ATP6V1B1: variants seen among roughly 807,000 people sequenced by gnomAD.
ATP6V1B1 encodes the protein ATPase H+ transporting V1 subunit B1.
A neutral mutation model predicts 62.1 loss-of-function variants in ATP6V1B1; 41 were observed. The observed-to-expected ratio is 0.66, with a 90% CI of 0.51 to 0.86. The LOEUF (loss-of-function observed/expected upper bound fraction) is 0.86. Among genes scored for constraint, ATP6V1B1 ranks in the 40% least tolerant of loss-of-function variants. ATP6V1B1 has a pLI of 0.00. For synonymous variants in ATP6V1B1, 253 were observed against 273.4 expected (o/e 0.93, Z 0.74); for missense variants, 651 against 697.5 (o/e 0.93, Z 0.75).
At chr2:70,957,871 T>C in intron 2 of ATP6V1B1, 175 bp from the exon 3 acceptor site, 1 of 670,264 alleles carries the variant, frequency 1.5e-6, no homozygotes, top group Admixed American at 2.1e-5. Flanking sequence ...TGGGTGCAAC[T>C]GCCTCCCAAA....
intron 1 of ATP6V1B1, among the ~76,000 whole-genome samples, chr2:70,942,991 A>T (rs1553416631): frequency 6.6e-6 from 1 of 152,196 alleles, no homozygotes; most frequent in Non-Finnish European, 1.5e-5. Context: ...TTCCCTATGC[A>T]AGCTGAGCTC....
At position 70,964,446 on chromosome 2, in the gene ATP6V1B1, C is replaced by G; in HGVS notation, c.1152C>G (p.Pro384=). ...DRQLHNRQIY[P]PINVLPSLSR... ...TTTTTCTTCTCCCTCAGATCTACCC[C>G]CCCATCAACGTGCTCCCTTCCCTGT... Residue 384 remains proline (P), a synonymous_variant, in exon 12 of 14, where the codon CCC becomes CCG. Transcript: ENST00000234396. 1 of 1,614,084 alleles carries G rather than the reference C, an allele frequency of 6.2e-7. No homozygotes were observed. The highest frequency in any genetic ancestry group is 8.5e-7 in the Non-Finnish European group (1 of 1,180,018).
rs1553415265 is a variant in ATP6V1B1, at chr2:70,936,002, C to G, written c.48C>G (p.Ser16Arg). 2.5e-6 allele frequency: 4 copies of G among 1,614,058 alleles called. No homozygotes were observed. The highest frequency in any genetic ancestry group is 3.4e-6 in the Non-Finnish European group (4 of 1,179,970). ...GGCCTGGGGGGCTCCCCGGCAGTAG[C>G]TGCAACCTAGGTGCAGCCCGAGAAC... Reference protein sequence around the residue: ...DSRPGGLPGSSCNLGAAREHM... With the variant: ...DSRPGGLPGSRCNLGAAREHM... The change falls in exon 1 of 14, where the codon AGC becomes AGG. Residue 16 changes from serine to arginine, a missense_variant. Ser to Arg is a moderately radical substitution (Grantham distance 110, BLOSUM62 -1). Transcript: ENST00000234396.
At chr2:70,961,122 G>T (rs1680575773) in intron 7 of ATP6V1B1, 100 bp downstream of exon 7, 5 of 1,292,066 alleles carry the variant, frequency 3.9e-6, no homozygotes, top group Non-Finnish European at 5.5e-6. Flanking sequence ...GAAGCCATCA[G>T]TGTCCCGGCC....
intron 1 of ATP6V1B1, 52 bp from the exon 2 acceptor site, chr2:70,943,606 G>C: frequency 6.3e-7 from 1 of 1,576,258 alleles, no homozygotes; most frequent in Non-Finnish European, 8.7e-7. Context: ...CTCTGTGTGT[G>C]TGAGCAGGGT....
chr2:70,965,373 C>A lies in ATP6V1B1; in HGVS notation c.*252C>A, dbSNP rs1198004173. ...CGATGCCTTACTCTGACGGGAGCAT[C>A]TGTATTTTTATGTTAAAAGCCCACA... On this transcript the variant is annotated 3_prime_UTR_variant, in exon 14 of 14. Transcript: ENST00000234396. 1 of 580,682 alleles carries A rather than the reference C, an allele frequency of 1.7e-6. No homozygotes were observed. The highest frequency in any genetic ancestry group is 3.0e-5 in the Admixed American group (1 of 32,982). The allele number at this position is 580,682 out of a possible 1,614,324, so 36.0% of individuals were successfully genotyped here.
chr2:70,962,269 G>A (rs1553420220), intron 8 of ATP6V1B1, among the ~76,000 whole-genome samples: 2 of 152,180 alleles, frequency 1.3e-5, no homozygotes, highest in Admixed American at 1.3e-4. Flanking sequence ...ATAGGGACGA[G>A]CACATTAGGT....
rs572404291 is a variant in ATP6V1B1 at position 70,957,982 on chromosome 2, G to A, written c.175-64G>A. 3.3e-5 allele frequency: 49 copies of A among 1,464,920 alleles called. No homozygotes were observed. The East Asian group carries it at 3.8e-4, about 11-fold the overall frequency. 90.7% of individuals were successfully genotyped at this position (1,464,920 alleles called of 1,614,324 possible). Reference sequence around the variant, plus strand: ...GTTTGGGACTGGGTCAGGGAGGGCCGGAGGAGGAGAAGGGACTTTGCCTCC... The same window carrying A: ...GTTTGGGACTGGGTCAGGGAGGGCCAGAGGAGGAGAAGGGACTTTGCCTCC... On this transcript the variant is annotated intron_variant, in intron 2 of 13. Coordinates refer to ENST00000234396, the MANE Select transcript of ATP6V1B1 (RefSeq NM_001692.4).
intron 9 of ATP6V1B1, 73 bp downstream of exon 9, chr2:70,962,973 T>G (rs1252451225): frequency 2.6e-5 from 42 of 1,608,956 alleles, no homozygotes; most frequent in Non-Finnish European, 3.5e-5. Context: ...ACGGTCACCC[T>G]GCAAATAGAG....
At chr2:70,945,650 T>C (rs1680140667) in intron 2 of ATP6V1B1, among the ~76,000 whole-genome samples, 1 of 146,246 alleles carries the variant, frequency 6.8e-6, no homozygotes, top group African/African-American at 2.5e-5. Flanking sequence ...ATCTCCAGCA[T>C]CCTTTCTTTG....
rs1572922954 is a variant in ATP6V1B1, at chr2:70,963,161, G to C, written c.910-1G>C. 6.2e-7 allele frequency: 1 copy of C among 1,614,020 alleles called. No individual in the cohort carries two copies. The highest frequency in any genetic ancestry group is 1.3e-5 in the African/African-American group (1 of 74,998). ...TACCCCAGTGCCCATGGATATTGCA[G>C]GTCTCTGCTGCTAGAGAGGAGGTGC... On this transcript the variant is annotated splice_acceptor_variant, in intron 9 of 13. Transcript: ENST00000234396. LOFTEE classifies it high-confidence loss of function. This position sits in a 1 kb window ranked among gnomAD's most constrained non-coding sequence, Gnocchi z 4.3.
Position 70,940,446 on chromosome 2 carries a change from C to A in ATP6V1B1, c.119-3212C>A, listed in dbSNP as rs563629694. 5.4e-5 allele frequency: 53 copies of A among 985,384 alleles called. No homozygotes were observed. The Admixed American group carries it at 6.8e-4, about 13-fold the overall frequency. The allele number at this position is 985,384 out of a possible 1,614,324, so 61.0% of individuals were successfully genotyped here. On this transcript the variant is annotated intron_variant, in intron 1 of 13. Coordinates refer to ENST00000234396, the MANE Select transcript of ATP6V1B1 (RefSeq NM_001692.4). Reference sequence around the variant, plus strand: ...GTGGCATGCAAGATGCCAGCTCTCCCGGGGGCTTATAAAAATGAGGGTCTC... The same window carrying A: ...GTGGCATGCAAGATGCCAGCTCTCCAGGGGGCTTATAAAAATGAGGGTCTC...
Position 70,959,209 on chromosome 2 carries a change from G to T in ATP6V1B1, c.445+114G>T. ...TCAGATGTGATGGGAGAGCAGCAAA[G>T]GCCTCTCTATCCCCAAATCTTCCAC... On this transcript the variant is annotated intron_variant, in intron 5 of 13. Transcript: ENST00000234396. This position sits in a 1 kb window ranked among gnomAD's most constrained non-coding sequence, Gnocchi z 4.2. The T allele has an allele frequency of 1.7e-6, 2 of 1,148,824 alleles. No homozygotes were observed. The highest frequency in any genetic ancestry group is 2.6e-6 in the Non-Finnish European group (2 of 776,892). The allele number at this position is 1,148,824 out of a possible 1,614,324, so 71.2% of individuals were successfully genotyped here.
intron 2 of ATP6V1B1, chr2:70,947,384 G>A (rs1553417563): frequency 1.3e-5 from 2 of 152,222 alleles, no homozygotes; most frequent in East Asian, 1.9e-4. Flanking sequence ...CCTGGGGTAG[G>A]AGGCCCAAGA....
chr2:70,963,303 C>T lies in ATP6V1B1; in HGVS notation c.1051C>T (p.Pro351Ser), dbSNP rs782770411. The T allele has an allele frequency of 1.3e-5, 21 of 1,612,960 alleles. 1 individual carries two copies. The South Asian group carries it at 2.3e-4, about 18-fold the overall frequency. Reference protein sequence around the residue: ...SITQIPILTMPNDDITHPIPD... With the variant: ...SITQIPILTMSNDDITHPIPD... ...CACACAGATCCCCATCCTCACCATG[C>T]CCAACGACGGTAGCCTCCTCACAGC... The change falls in exon 10 of 14, where the codon CCC (proline) becomes TCC (serine). Residue 351 changes from proline (P) to serine (S), a missense_variant. Coordinates refer to ENST00000234396, the MANE Select transcript of ATP6V1B1 (RefSeq NM_001692.4). This position sits in a 1 kb window ranked among gnomAD's most constrained non-coding sequence, Gnocchi z 4.3.
intron 7 of ATP6V1B1, 35 bp from the exon 8 acceptor site, chr2:70,961,561 G>T: frequency 1.9e-6 from 3 of 1,608,460 alleles, no homozygotes; most frequent in Non-Finnish European, 2.6e-6. Context: ...CAGGCCACAG[G>T]GCCCTACCTC....
At chr2:70,962,334 T>A (rs548144048) in intron 8 of ATP6V1B1, among the ~76,000 whole-genome samples, 1 of 152,240 alleles carries the variant, frequency 6.6e-6, no homozygotes, top group African/African-American at 2.4e-5. Context: ...GACGAAACCA[T>A]CCAGAGGACA....
chr2:70,962,078 TA>T (rs1680600920), intron 8 of ATP6V1B1, among the ~76,000 whole-genome samples: 1 of 152,164 alleles, frequency 6.6e-6, no homozygotes, highest in African/African-American at 2.4e-5. Flanking sequence ...ACAATTCTAA[TA>T]AACTATCCTG....
intron 2 of ATP6V1B1, among the ~76,000 whole-genome samples, chr2:70,945,884 G>T (rs1419296189): frequency 6.6e-6 from 1 of 151,364 alleles, no homozygotes; most frequent in African/African-American, 2.4e-5. Flanking sequence ...TCATCCCCAG[G>T]GTTGAGAGGT....
Sources: allele counts gnomAD v4.1 joint callset (sites outside exome capture counted in the v4.1 genomes callset), GRCh38; gene constraint gnomAD v4.1.1; non-coding constraint Gnocchi (gnomAD v3.1); transcripts MANE v1.5; gene names NCBI Gene and HGNC (gene_info 2026-07-23, HGNC 2026-07-21).